Variants in KCNJ3 observed in about 807,000 individuals in gnomAD.
KCNJ3 encodes the protein potassium inwardly rectifying channel subfamily J member 3, also known as G protein-activated inward rectifier potassium channel 1.
In KCNJ3, 4 loss-of-function variants were observed where a neutral mutation model predicts 39.2. The observed-to-expected ratio is 0.10, with a 90% CI of 0.05 to 0.23. KCNJ3 has a LOEUF of 0.23. Among genes scored for constraint, KCNJ3 ranks in the 10% least tolerant of loss-of-function variants. The pLI is 1.00. For synonymous variants in KCNJ3, 230 were observed against 237.4 expected, an observed-to-expected ratio of 0.97 and a Z score of 0.29; for missense variants, 276 against 634.9, an observed-to-expected ratio of 0.43 and a Z score of 6.08.
chr2:154,803,160 T>C (rs1041569636), intron 2 of KCNJ3, among the ~76,000 whole-genome samples: 2 of 152,014 alleles, frequency 1.3e-5, no homozygotes, highest in Non-Finnish European at 2.9e-5. Flanking sequence ...GCAGATTCTA[T>C]CAATAAAAAG....
intron 2 of KCNJ3, among the ~76,000 whole-genome samples, chr2:154,800,442 C>T (rs1686799659): frequency 6.6e-6 from 1 of 152,184 alleles, no homozygotes; most frequent in African/African-American, 2.4e-5. Context: ...TAGAGATCGG[C>T]ACTCCATTCT....
chr2:154,763,695 A>G (rs1337835513), intron 2 of KCNJ3, among the ~76,000 whole-genome samples: 1 of 152,156 alleles, frequency 6.6e-6, no homozygotes, highest in African/African-American at 2.4e-5. Context: ...AGGATCTTGC[A>G]TAGTGAGAGA....
chr2:154,759,937 G>A (rs984612320), intron 2 of KCNJ3, among the ~76,000 whole-genome samples: 6 of 152,200 alleles, frequency 3.9e-5, no homozygotes, highest in Admixed American at 2.6e-4. Flanking sequence ...ACTGAAATCT[G>A]TATCATTTTA....
Position 154,831,356 on chromosome 2 carries a change from G to A in KCNJ3, c.920-23371G>A, listed in dbSNP as rs149210023. Among the ~76,000 whole-genome samples the A allele has an allele frequency of 1.7e-4, 26 of 152,172 alleles. No individual in the cohort carries two copies. The East Asian group carries it at 4.6e-3, about 27-fold the overall frequency. ...TTACTCTAAAAATAGTTTTGTATAA[G>A]ACTCCATTTCATAAGATTAAATCTT... On this transcript the variant is annotated intron_variant, in intron 2 of 2. Transcript: ENST00000295101.
intron 2 of KCNJ3, among the ~76,000 whole-genome samples, chr2:154,800,871 TG>T (rs1463374318): frequency 2.6e-5 from 4 of 152,228 alleles, no homozygotes; most frequent in African/African-American, 9.6e-5. Flanking sequence ...AAAGTATAAC[TG>T]GAAGATGGCT....
chr2:154,837,264 T>G lies in KCNJ3; in HGVS notation c.920-17463T>G, dbSNP rs552909543. Among the ~76,000 whole-genome samples, 528 of 73,822 alleles carry G rather than the reference T, an allele frequency of 7.2e-3. 2 individuals are homozygous for G. Among genetic ancestry groups the G allele is most frequent in the Non-Finnish European group, 0.015 (393 of 26,314 alleles). 48.4% of individuals were successfully genotyped at this position (73,822 alleles called of 152,430 possible). On this transcript the variant is annotated intron_variant, in intron 2 of 2. Transcript: ENST00000295101. Reference sequence around the variant, plus strand: ...TGTCAGCAAATGTATCTTACTTTTTTGTGCAAAATTCATGATTTAAACAAT... The same window carrying G: ...TGTCAGCAAATGTATCTTACTTTTTGGTGCAAAATTCATGATTTAAACAAT...
intron 2 of KCNJ3, among the ~76,000 whole-genome samples, chr2:154,795,852 A>G (rs1353267264): frequency 6.6e-6 from 1 of 152,060 alleles, no homozygotes; most frequent in Non-Finnish European, 1.5e-5. Flanking sequence ...CAGCGTAAGG[A>G]AATAATTGAA....
At chr2:154,769,429 C>G (rs1326455321) in intron 2 of KCNJ3, among the ~76,000 whole-genome samples, 2 of 152,134 alleles carry the variant, frequency 1.3e-5, no homozygotes, top group Admixed American at 1.3e-4. Flanking sequence ...GCCTTTTCTG[C>G]ATCTATTGAA....
intron 2 of KCNJ3, among the ~76,000 whole-genome samples, chr2:154,736,046 C>T (rs902213541): frequency 6.6e-6 from 1 of 152,004 alleles, no homozygotes; most frequent in Non-Finnish European, 1.5e-5. Flanking sequence ...TATTAAATTC[C>T]TAGGCCAGCG....
At chr2:154,797,183 T>C (rs72863127) in intron 2 of KCNJ3, among the ~76,000 whole-genome samples, 4,796 of 152,302 alleles carry the variant, frequency 0.031, 117 homozygotes, top group Non-Finnish European at 0.049. Flanking sequence ...CTGTCACTTG[T>C]CTGGTGCCGA....
At chr2:154,758,121 G>A (rs1235253883) in intron 2 of KCNJ3, among the ~76,000 whole-genome samples, 3 of 152,058 alleles carry the variant, frequency 2.0e-5, no homozygotes, top group African/African-American at 4.8e-5. Context: ...AATAGAGAAC[G>A]TCTTGATACT....
At chr2:154,807,602 G>A (rs1210205894) in intron 2 of KCNJ3, among the ~76,000 whole-genome samples, 1 of 152,176 alleles carries the variant, frequency 6.6e-6, no homozygotes, top group Non-Finnish European at 1.5e-5. Flanking sequence ...TGATACAAAT[G>A]GGGATGGAGA....
chr2:154,816,205 A>G (rs914966449), intron 2 of KCNJ3, among the ~76,000 whole-genome samples: 1 of 152,220 alleles, frequency 6.6e-6, no homozygotes, highest in Non-Finnish European at 1.5e-5. Flanking sequence ...AAAAAATTTT[A>G]TAAAAGTAGC....
Position 154,733,627 on chromosome 2 carries a change from A to AAGC in KCNJ3, c.919+23809_919+23811dup, listed in dbSNP as rs1685479986. On this transcript the variant is annotated intron_variant, in intron 2 of 2. Transcript: ENST00000295101. ...CTTGAATTGAAAGGTTGAAGCCCCAAAGCTGAAATTACTGGGTAAAAAGTG... is the reference window on the plus strand; with the variant it reads ...CTTGAATTGAAAGGTTGAAGCCCCAAAGCAGCTGAAATTACTGGGTAAAAAGTG... 2.0e-5 allele frequency among the ~76,000 whole-genome samples: 3 copies of AAGC among 152,276 alleles called. No homozygotes were observed. The South Asian group carries it at 6.2e-4, about 32-fold the overall frequency.
At chr2:154,713,013 A>G (rs1685126147) in intron 2 of KCNJ3, among the ~76,000 whole-genome samples, 1 of 151,938 alleles carries the variant, frequency 6.6e-6, no homozygotes, top group Non-Finnish European at 1.5e-5. Flanking sequence ...GGGAACTAAA[A>G]AAAAGGTGGA....
intron 2 of KCNJ3, among the ~76,000 whole-genome samples, chr2:154,843,714 T>TC (rs1372328661): frequency 6.6e-6 from 1 of 152,218 alleles, no homozygotes; most frequent in Non-Finnish European, 1.5e-5. Flanking sequence ...TACCCTTTAT[T>TC]CCACTTGATC....
chr2:154,837,560 A>T (rs1687492238), intron 2 of KCNJ3, among the ~76,000 whole-genome samples: 1 of 152,188 alleles, frequency 6.6e-6, no homozygotes, highest in Non-Finnish European at 1.5e-5. Context: ...TTATTCAAAA[A>T]GTTGACTTCA....
intron 2 of KCNJ3, among the ~76,000 whole-genome samples, chr2:154,738,537 T>C (rs1269098740): frequency 6.6e-6 from 1 of 152,038 alleles, no homozygotes; most frequent in Non-Finnish European, 1.5e-5. Flanking sequence ...CCCATAAATA[T>C]ATACACCTAC....
chr2:154,714,155 C>T (rs1020991619), intron 2 of KCNJ3, among the ~76,000 whole-genome samples: 1 of 152,192 alleles, frequency 6.6e-6, no homozygotes, highest in Non-Finnish European at 1.5e-5. Flanking sequence ...CTTTCCACCA[C>T]CTATGACTCA....
Sources: gnomAD v4.1 joint callset for allele counts (sites outside exome capture counted in the v4.1 genomes callset) on GRCh38, gnomAD v4.1.1 for gene constraint, MANE v1.5 for transcripts, NCBI Gene and HGNC (gene_info 2026-07-23, HGNC 2026-07-21) for gene names.